PPEF1: variants seen among roughly 807,000 people sequenced by gnomAD.
PPEF1 encodes the protein protein phosphatase with EF-hand domain 1.
PPEF1 carries 12 observed loss-of-function variants against 53.3 expected under a neutral mutation model. That is an observed-to-expected ratio of 0.23 (90% CI 0.14 to 0.36). The LOEUF is 0.36. Ranked by LOEUF, PPEF1 falls within the 10% of genes least tolerant of loss-of-function variation. The pLI is 1.00. For missense variants in PPEF1, 334 were observed against 490.4 expected (o/e 0.68, Z 3.01); for synonymous variants, 165 against 176.7 (o/e 0.93, Z 0.52).
upstream of PPEF1, among the ~76,000 whole-genome samples, chrX:18,681,473 A>T (rs1343227189): frequency 9.0e-6 from 1 of 111,306 alleles, no homozygotes; most frequent in Non-Finnish European, 1.9e-5. Flanking sequence ...GTTGAGGGTG[A>T]CTCAAGCCAG....
intron 7 of PPEF1, among the ~76,000 whole-genome samples, chrX:18,780,891 A>G (rs971545913): frequency 9.2e-6 from 1 of 109,254 alleles, no homozygotes; most frequent in Non-Finnish European, 1.9e-5. Flanking sequence ...CGTCTCTACT[A>G]AAAAATACAA....
intron 1 of PPEF1, among the ~76,000 whole-genome samples, chrX:18,709,840 A>G (rs897607233): frequency 8.9e-6 from 1 of 111,862 alleles, no homozygotes; most frequent in African/African-American, 3.3e-5. Context: ...TGCTGTGAAC[A>G]TATGTTTTCC....
chrX:18,764,156 G>A (rs940806109), intron 6 of PPEF1, among the ~76,000 whole-genome samples: 3 of 111,282 alleles, frequency 2.7e-5, no homozygotes, highest in African/African-American at 9.8e-5. Flanking sequence ...CCCAGGGCAA[G>A]GGATGCCCTG....
intron 1 of PPEF1, among the ~76,000 whole-genome samples, chrX:18,716,778 G>A (rs1157211746): frequency 9.0e-6 from 1 of 110,835 alleles, no homozygotes; most frequent in East Asian, 2.8e-4. Context: ...TTTGTCAGAG[G>A]GTTCTAGGTT....
intron 5 of PPEF1, among the ~76,000 whole-genome samples, chrX:18,758,408 A>C (rs1337506304): frequency 8.9e-6 from 1 of 112,154 alleles, no homozygotes; most frequent in Non-Finnish European, 1.9e-5. Flanking sequence ...TTTAGGTTAC[A>C]AAACAGTGAT....
intron 3 of PPEF1, among the ~76,000 whole-genome samples, chrX:18,742,924 CT>C (rs2045214996): frequency 8.9e-6 from 1 of 111,822 alleles, no homozygotes; most frequent in Non-Finnish European, 1.9e-5. Context: ...TTCTGGACTT[CT>C]TTACATGATG....
At chrX:18,822,513 CT>C (rs761471112) in intron 13 of PPEF1, among the ~76,000 whole-genome samples, 105 of 101,520 alleles carry the variant, frequency 1.0e-3, no homozygotes, top group South Asian at 3.1e-3. Context: ...TATGAGATTT[CT>C]TTTTTTTTTT....
chrX:18,699,968 C>T (rs1929965512), intron 5 of PPEF1: 1 of 112,327 alleles, frequency 8.9e-6, no homozygotes, highest in African/African-American at 3.2e-5. Context: ...CACACAATAG[C>T]GTGGTCCTGC....
At chrX:18,760,980 C>T (rs760536296) in intron 5 of PPEF1, among the ~76,000 whole-genome samples, 6 of 109,848 alleles carry the variant, frequency 5.5e-5, no homozygotes, top group South Asian at 4.0e-4. Context: ...GGGGTTTCGC[C>T]GTGTTGACCA....
At chrX:18,710,373 T>G (rs957339517) in intron 1 of PPEF1, among the ~76,000 whole-genome samples, 2 of 111,900 alleles carry the variant, frequency 1.8e-5, no homozygotes, top group Non-Finnish European at 3.8e-5. Flanking sequence ...ACTTTATTTT[T>G]TCTTTGGTTG....
At position 18,707,826 on chromosome X, in the gene PPEF1, T is replaced by A. The variant is rs1569244169; in HGVS notation, c.46T>A (p.Ser16Thr). 1 of 1,205,047 alleles carries A rather than the reference T, an allele frequency of 8.3e-7. No homozygotes were observed. The highest frequency in any genetic ancestry group is 3.0e-5 in the East Asian group (1 of 33,812). ...AACGAAAACCAGGAGATCTGACACA[T>A]GTGAGTACTGGGAATGTGCCTGTGG... Reference protein sequence around the residue: ...SSTKTRRSDTSLRAALIIQNW... With the variant: ...SSTKTRRSDTTLRAALIIQNW... Residue 16 changes from serine (S) to threonine (T), a missense_variant and splice_region_variant, in exon 1 of 16, where the codon TCA becomes ACA. Coordinates refer to ENST00000470157, the MANE Select transcript of PPEF1 (RefSeq NM_001377996.1).
At chrX:18,811,669 G>A (rs1282451578) in intron 12 of PPEF1, among the ~76,000 whole-genome samples, 1 of 100,960 alleles carries the variant, frequency 9.9e-6, no homozygotes, top group African/African-American at 3.6e-5. Context: ...CCAGGCAAAG[G>A]CGATCATGGC....
intron 1 of PPEF1, among the ~76,000 whole-genome samples, chrX:18,717,144 C>T (rs75609766): frequency 0.031 from 3,188 of 104,483 alleles, 107 homozygotes; most frequent in South Asian, 0.14. Context: ...TTTTCCTCCC[C>T]AAATATTTTT....
intron 3 of PPEF1, among the ~76,000 whole-genome samples, chrX:18,740,144 A>G (rs1189677170): frequency 7.1e-5 from 8 of 112,101 alleles, no homozygotes; most frequent in Admixed American, 9.4e-5. Context: ...CCACTGTCCA[A>G]TAAGCCCGAG....
At chrX:18,681,873 G>C (rs1928894651), upstream of PPEF1, among the ~76,000 whole-genome samples, 1 of 111,444 alleles carries the variant, frequency 9.0e-6, no homozygotes, top group African/African-American at 3.3e-5. Context: ...GTTGGCCTGA[G>C]TTTCAGAGGG....
chrX:18,701,507 A>G (rs1300404837), intron 6 of PPEF1, among the ~76,000 whole-genome samples: 1 of 112,585 alleles, frequency 8.9e-6, no homozygotes, highest in East Asian at 2.8e-4. Context: ...TTTTCTTATG[A>G]GGAAACTGAG....
intron 6 of PPEF1, among the ~76,000 whole-genome samples, chrX:18,768,121 A>G (rs767023880): frequency 8.9e-6 from 1 of 112,152 alleles, no homozygotes; most frequent in Non-Finnish European, 1.9e-5. Context: ...GTTTAGAAGT[A>G]GTTAGTGGCC....
chrX:18,811,995 A>G (rs912079568), intron 12 of PPEF1, among the ~76,000 whole-genome samples: 1 of 110,003 alleles, frequency 9.1e-6, no homozygotes, highest in African/African-American at 3.3e-5. Flanking sequence ...TAGTGCAAAC[A>G]TTTTTCATTT....
intron 9 of PPEF1, among the ~76,000 whole-genome samples, chrX:18,785,578 T>TA (rs1391130517): frequency 2.6e-3 from 267 of 103,290 alleles, no homozygotes; most frequent in African/African-American, 8.0e-3. Context: ...CCTTTTACTC[T>TA]AAAAAAAAAA....
Sources: allele counts gnomAD v4.1 joint callset (sites outside exome capture counted in the v4.1 genomes callset), GRCh38; gene constraint gnomAD v4.1.1; transcripts MANE v1.5; gene names NCBI Gene and HGNC (gene_info 2026-07-23, HGNC 2026-07-21).